Variants in SYCE2 observed in about 807,000 individuals in gnomAD.
SYCE2 encodes the protein synaptonemal complex central element protein 2.
SYCE2 carries 3 observed loss-of-function variants against 27.9 expected under a neutral mutation model. That is an observed-to-expected ratio of 0.11 (90% CI 0.05 to 0.28). SYCE2 has a LOEUF of 0.28. SYCE2 is among the 10% of genes least tolerant of loss of function. The pLI is 1.00. For synonymous variants in SYCE2, 85 were observed against 100.7 expected, an observed-to-expected ratio of 0.84 and a Z score of 0.93; for missense variants, 207 against 263.5, an observed-to-expected ratio of 0.79 and a Z score of 1.48.
intron 4 of SYCE2, 54 bp downstream of exon 4, chr19:12,900,406 G>T: frequency 1.3e-6 from 2 of 1,572,910 alleles, no homozygotes; most frequent in Non-Finnish European, 1.7e-6. Flanking sequence ...CTCTTGGCTG[G>T]GCCATCCCTG....
chr19:12,908,603 C>T (rs1033368583), intron 2 of SYCE2, among the ~76,000 whole-genome samples: 4 of 152,126 alleles, frequency 2.6e-5, no homozygotes, highest in Non-Finnish European at 5.9e-5. Flanking sequence ...GGATTACAGG[C>T]GTGAGCCACC....
intron 3 of SYCE2, among the ~76,000 whole-genome samples, chr19:12,902,796 C>T (rs1333140023): frequency 1.3e-5 from 2 of 151,850 alleles, no homozygotes; most frequent in Non-Finnish European, 2.9e-5. Context: ...GTCTGGGCAA[C>T]AGCAAGGCTT....
At chr19:12,917,467 A>G (rs906188384) in intron 2 of SYCE2, among the ~76,000 whole-genome samples, 39 of 152,068 alleles carry the variant, frequency 2.6e-4, no homozygotes, top group Admixed American at 1.3e-4. Context: ...GGTTCAAGCG[A>G]TTCTCCTGCC....
intron 2 of SYCE2, among the ~76,000 whole-genome samples, chr19:12,906,769 G>A (rs1970941918): frequency 6.6e-6 from 1 of 152,050 alleles, no homozygotes; most frequent in South Asian, 2.1e-4. Context: ...TTAGCCAGGC[G>A]CAGTGGCAGG....
At chr19:12,916,465 C>T (rs928725736) in intron 2 of SYCE2, among the ~76,000 whole-genome samples, 4 of 152,134 alleles carry the variant, frequency 2.6e-5, no homozygotes, top group African/African-American at 4.8e-5. Flanking sequence ...AAGGTTTGGG[C>T]CCAGAATGCC....
At chr19:12,910,867 C>T (rs1381054651) in intron 2 of SYCE2, among the ~76,000 whole-genome samples, 8 of 151,730 alleles carry the variant, frequency 5.3e-5, no homozygotes, top group Middle Eastern at 3.4e-3. Flanking sequence ...TTAGTAGAGG[C>T]GGGGTTTCAC....
In SYCE2 at chr19:12,900,124, T is replaced by TA. The variant is rs1261796028; in HGVS notation, c.496-5dup. The TA allele has an allele frequency of 1.9e-6, 3 of 1,599,462 alleles. No homozygotes were observed. Among genetic ancestry groups the TA allele is most frequent in the Admixed American group, 1.8e-5 (1 of 54,488 alleles). ...CCCATCTGAGTCTTAGGCTCTGCTG[T>TA]AAAAAAGAAACCCAGGTTAGCAGTG... On this transcript the variant is annotated splice_region_variant and splice_polypyrimidine_tract_variant and intron_variant, in intron 4 of 5. Coordinates refer to ENST00000293695, the MANE Select transcript of SYCE2 (RefSeq NM_001105578.2).
intron 3 of SYCE2, among the ~76,000 whole-genome samples, chr19:12,903,094 CTTTTTTT>C (rs1298868407): frequency 1.5e-5 from 2 of 129,330 alleles, no homozygotes; most frequent in East Asian, 4.8e-4. Context: ...TCTTTTTCTT[CTTTTTTT>C]TTTTTTTTGA....
intron 2 of SYCE2, among the ~76,000 whole-genome samples, chr19:12,908,552 G>A (rs974181910): frequency 2.0e-5 from 3 of 151,936 alleles, no homozygotes; most frequent in Admixed American, 6.6e-5. Flanking sequence ...TTTCCATCTC[G>A]TGACCTCATG....
intron 2 of SYCE2, 68 bp from the exon 3 acceptor site, chr19:12,904,734 G>T: frequency 6.4e-7 from 1 of 1,562,990 alleles, no homozygotes; most frequent in South Asian, 1.1e-5. Context: ...AGGTGTAGTC[G>T]CTCATGCCTG....
chr19:12,918,071 G>A (rs973619802), intron 2 of SYCE2, 151 bp downstream of exon 2: 21 of 640,224 alleles, frequency 3.3e-5, no homozygotes, highest in Non-Finnish European at 3.8e-5. Context: ...GCAGTGAGCC[G>A]TGATCATGCC....
rs548564571 is a variant in SYCE2 at position 12,917,502 on chromosome 19, A to G, written c.131+720T>C. 1.2e-3 allele frequency among the ~76,000 whole-genome samples: 188 copies of G among 152,016 alleles called. 3 individuals are homozygous for G. In the South Asian group the frequency reaches 0.038, roughly 30 times the overall value. On this transcript the variant is annotated intron_variant, in intron 2 of 5. Coordinates refer to ENST00000293695, the MANE Select transcript of SYCE2 (RefSeq NM_001105578.2). ...CTTAGCCTCCCGAGTAGCTGGGACT[A>G]CAGGCGTGCACCACAACACCCAGCT...
At position 12,899,162 on chromosome 19, in the gene SYCE2, T is replaced by C; in HGVS notation, c.*179A>G. On this transcript the variant is annotated 3_prime_UTR_variant, in exon 6 of 6. Coordinates refer to ENST00000293695, the MANE Select transcript of SYCE2 (RefSeq NM_001105578.2). ...GTGGGGAGCACGAAGCCTGGGCCTA[T>C]GGCAGGGGCTGGACTTGCTACATTT... 1.6e-6 allele frequency: 1 copy of C among 618,874 alleles called. No homozygotes were observed. The highest frequency in any genetic ancestry group is 2.9e-6 in the Non-Finnish European group (1 of 350,548). 38.3% of individuals were successfully genotyped at this position (618,874 alleles called of 1,614,324 possible).
At chr19:12,910,981 C>CT (rs903712801) in intron 2 of SYCE2, among the ~76,000 whole-genome samples, 5 of 151,132 alleles carry the variant, frequency 3.3e-5, no homozygotes, top group Admixed American at 6.6e-5. Flanking sequence ...CCGGCCTGAC[C>CT]TTTTTTTTTC....
intron 2 of SYCE2, among the ~76,000 whole-genome samples, chr19:12,917,178 C>T (rs1971152641): frequency 6.6e-6 from 1 of 151,816 alleles, no homozygotes; most frequent in Non-Finnish European, 1.5e-5. Context: ...AATTCTCCTG[C>T]CTCAGCCTTC....
chr19:12,919,158 C>G, intron 1 of SYCE2, 85 bp downstream of exon 1: 1 of 1,575,610 alleles, frequency 6.3e-7, no homozygotes, highest in South Asian at 1.1e-5. Context: ...GGGCTCGGGT[C>G]CGCTGGAGAT....
At chr19:12,903,725 C>T (rs1320979729) in intron 3 of SYCE2, among the ~76,000 whole-genome samples, 1 of 151,688 alleles carries the variant, frequency 6.6e-6, no homozygotes, top group East Asian at 1.9e-4. Flanking sequence ...GCTCTCTAGC[C>T]CAGGCTGCAG....
chr19:12,919,162 T>G (rs1421952865), intron 1 of SYCE2, 81 bp downstream of exon 1: 17 of 1,582,694 alleles, frequency 1.1e-5, no homozygotes, highest in Non-Finnish European at 1.4e-5. Flanking sequence ...TCGGGTCCGC[T>G]GGAGATGGCT....
chr19:12,899,900 TG>T (rs1970797456), intron 5 of SYCE2, 103 bp downstream of exon 5: 1 of 1,505,912 alleles, frequency 6.6e-7, no homozygotes, highest in East Asian at 2.4e-5. Flanking sequence ...CCCTCCCATC[TG>T]GGGGTAGTGC....
Sources: allele counts gnomAD v4.1 joint callset (sites outside exome capture counted in the v4.1 genomes callset), GRCh38; gene constraint gnomAD v4.1.1; transcripts MANE v1.5; gene names NCBI Gene and HGNC (gene_info 2026-07-23, HGNC 2026-07-21).